Variants in NEK7 observed in about 807,000 individuals in gnomAD.
The protein encoded by NEK7 is serine/threonine-protein kinase Nek7.
A neutral mutation model predicts 44.6 loss-of-function variants in NEK7; 18 were observed. The ratio of observed to expected loss-of-function variants is 0.40; its 90% CI spans 0.28 to 0.60. NEK7 has a LOEUF of 0.60. Among genes scored for constraint, NEK7 ranks in the 20% least tolerant of loss-of-function variants. NEK7 has a pLI of 0.38. For synonymous variants in NEK7, 130 were observed against 121.1 expected (o/e 1.07, Z -0.48); for missense variants, 256 against 366.5 (o/e 0.70, Z 2.46).
At chr1:198,272,187 T>A (rs144053587) in intron 5 of NEK7, among the ~76,000 whole-genome samples, 1 of 151,884 alleles carries the variant, frequency 6.6e-6, no homozygotes, top group African/African-American at 2.4e-5. Context: ...GAAATGACCA[T>A]TATTTAATTC....
chr1:198,161,749 AATGCCTGTCTGTGGCT>A (rs1664112977), intron 1 of NEK7, among the ~76,000 whole-genome samples: 1 of 152,068 alleles, frequency 6.6e-6, no homozygotes. Flanking sequence ...ACATTGAATG[AATGCCTGTCTGTGGCT>A]CCCTGCTTCT....
intron 1 of NEK7, among the ~76,000 whole-genome samples, chr1:198,172,542 T>C (rs1664480093): frequency 6.6e-6 from 1 of 152,204 alleles, no homozygotes; most frequent in African/African-American, 2.4e-5. Context: ...AGAAATCTCA[T>C]ATCTTTATAC....
At chr1:198,237,410 T>C (rs1401686708) in intron 2 of NEK7, among the ~76,000 whole-genome samples, 2 of 152,154 alleles carry the variant, frequency 1.3e-5, no homozygotes, top group Admixed American at 1.3e-4. Flanking sequence ...AACTGAATTC[T>C]AAATATTTCC....
At chr1:198,270,505 T>G (rs1334255057) in intron 5 of NEK7, among the ~76,000 whole-genome samples, 3 of 152,002 alleles carry the variant, frequency 2.0e-5, no homozygotes, top group Non-Finnish European at 4.4e-5. Context: ...GCAATACAAA[T>G]AATTTAAATG....
intron 1 of NEK7, among the ~76,000 whole-genome samples, chr1:198,224,133 T>A (rs1666146252): frequency 6.6e-6 from 1 of 152,234 alleles, no homozygotes; most frequent in African/African-American, 2.4e-5. Context: ...GATTTTTTAA[T>A]ATATAGCCAT....
intron 1 of NEK7, among the ~76,000 whole-genome samples, chr1:198,209,153 C>A (rs868531733): frequency 7.3e-6 from 1 of 137,304 alleles, no homozygotes. Context: ...TATATATATA[C>A]TTTTTTTTTT....
rs1479919413 is a variant in NEK7, at chr1:198,193,078, A to G, written c.-29+35802A>G. On this transcript the variant is annotated intron_variant, in intron 1 of 9. Coordinates refer to ENST00000367385, the MANE Select transcript of NEK7 (RefSeq NM_133494.3). ...AGACTGGTAGCTAAACTAATAAAGA[A>G]GAAGACAGAAGAATCAAATAGACAC... Among the ~76,000 whole-genome samples, 6 of 152,130 alleles carry G rather than the reference A, an allele frequency of 3.9e-5. No individual in the cohort carries two copies. The South Asian group carries it at 1.2e-3, about 32-fold the overall frequency.
chr1:198,283,729 A>C (rs1470471583), intron 7 of NEK7, among the ~76,000 whole-genome samples: 7 of 152,016 alleles, frequency 4.6e-5, no homozygotes, highest in Non-Finnish European at 1.0e-4. Flanking sequence ...CAACTTTCTT[A>C]AGCTTTCTAA....
chr1:198,317,873 A>ATTT (rs1410887023), intron 9 of NEK7, among the ~76,000 whole-genome samples: 497 of 26,324 alleles, frequency 0.019, 1 homozygote, highest in Non-Finnish European at 0.028. Flanking sequence ...TACTGGATAT[A>ATTT]TTTATTTTTT....
At chr1:198,311,698 T>A (rs1431430867) in intron 9 of NEK7, among the ~76,000 whole-genome samples, 1 of 152,236 alleles carries the variant, frequency 6.6e-6, no homozygotes, top group Non-Finnish European at 1.5e-5. Context: ...GAGATAATCA[T>A]GTGGTTTTTC....
chr1:198,290,875 CT>C (rs936353658), intron 7 of NEK7, among the ~76,000 whole-genome samples: 17 of 152,198 alleles, frequency 1.1e-4, no homozygotes, highest in African/African-American at 3.6e-4. Flanking sequence ...GAGTGTGTAA[CT>C]TTTTGCAGTG....
chr1:198,167,290 A>G (rs1196944477), intron 1 of NEK7, among the ~76,000 whole-genome samples: 1 of 152,200 alleles, frequency 6.6e-6, no homozygotes, highest in Non-Finnish European at 1.5e-5. Flanking sequence ...TTAAAATTCA[A>G]CAAGCAAAAT....
At chr1:198,177,964 A>G (rs1033993859) in intron 1 of NEK7, among the ~76,000 whole-genome samples, 5 of 152,096 alleles carry the variant, frequency 3.3e-5, no homozygotes, top group Non-Finnish European at 7.4e-5. Flanking sequence ...CATAAGAATT[A>G]AGAATATAAA....
intron 5 of NEK7, among the ~76,000 whole-genome samples, chr1:198,265,025 C>T (rs1653603323): frequency 6.6e-6 from 1 of 152,162 alleles, no homozygotes; most frequent in African/African-American, 2.4e-5. Flanking sequence ...TTCTCTGTCA[C>T]ATAAAAGTCT....
intron 1 of NEK7, among the ~76,000 whole-genome samples, chr1:198,229,061 G>GC (rs1666311491): frequency 6.6e-6 from 1 of 152,166 alleles, no homozygotes; most frequent in Non-Finnish European, 1.5e-5. Flanking sequence ...GCACAAAGAG[G>GC]CCAAGAAGAA....
Position 198,160,889 on chromosome 1 carries a change from C to T in NEK7, c.-29+3613C>T, listed in dbSNP as rs562385481. On this transcript the variant is annotated intron_variant, in intron 1 of 9. Coordinates refer to ENST00000367385, the MANE Select transcript of NEK7 (RefSeq NM_133494.3). ...ATTATTCCTAGGTGTTGTGTATTTT[C>T]ACAAAATTTTTTTTATTCTGAAGAA... 2.0e-5 allele frequency among the ~76,000 whole-genome samples: 3 copies of T among 152,202 alleles called. No individual in the cohort carries two copies. The South Asian group carries it at 6.2e-4, about 32-fold the overall frequency.
chr1:198,315,429 G>A (rs1655338820), intron 9 of NEK7, among the ~76,000 whole-genome samples: 1 of 152,246 alleles, frequency 6.6e-6, no homozygotes, highest in South Asian at 2.1e-4. Flanking sequence ...GTAGACTGGA[G>A]CTGTTCCTAT....
chr1:198,314,662 T>C (rs544961270), intron 9 of NEK7, among the ~76,000 whole-genome samples: 196 of 152,276 alleles, frequency 1.3e-3, no homozygotes, highest in Non-Finnish European at 2.3e-3. Flanking sequence ...GACAGGACCC[T>C]CAGCTGCAAG....
At chr1:198,197,718 T>C (rs1665285094) in intron 1 of NEK7, 1 of 541,158 alleles carries the variant, frequency 1.8e-6, no homozygotes, top group Non-Finnish European at 3.4e-6. Flanking sequence ...CAATATGGCA[T>C]CTGAAGTTCG....
Sources: allele counts gnomAD v4.1 joint callset (sites outside exome capture counted in the v4.1 genomes callset), GRCh38; gene constraint gnomAD v4.1.1; transcripts MANE v1.5; gene names NCBI Gene and HGNC (gene_info 2026-07-23, HGNC 2026-07-21).